SCFD2: variants seen among roughly 807,000 people sequenced by gnomAD.
SCFD2 encodes sec1 family domain containing 2, also known as sec1 family domain-containing protein 2.
SCFD2 carries 54 observed loss-of-function variants against 58.9 expected under a neutral mutation model. The observed-to-expected ratio is 0.92, with a 90% CI of 0.74 to 1.15. SCFD2 has a LOEUF of 1.15. Ranked by LOEUF, SCFD2 falls within the 50% of genes most tolerant of loss-of-function variation. The pLI is 0.00. For synonymous variants in SCFD2, 321 were observed against 335.9 expected, an observed-to-expected ratio of 0.96 and a Z score of 0.49; for missense variants, 805 against 836.6, an observed-to-expected ratio of 0.96 and a Z score of 0.47.
At chr4:53,313,559 G>T in intron 3 of SCFD2, 77 bp downstream of exon 3, 1 of 1,567,520 alleles carries the variant, frequency 6.4e-7, no homozygotes, top group Admixed American at 1.7e-5. Context: ...TTCCATGTTG[G>T]CTAGCTTGGC....
At chr4:53,325,094 TA>T (rs1733145706) in intron 2 of SCFD2, among the ~76,000 whole-genome samples, 1 of 152,082 alleles carries the variant, frequency 6.6e-6, no homozygotes. Flanking sequence ...TTTCTCACCA[TA>T]AAAACTCTAA....
At chr4:53,313,161 C>G (rs991783107) in intron 3 of SCFD2, among the ~76,000 whole-genome samples, 11 of 152,100 alleles carry the variant, frequency 7.2e-5, no homozygotes, top group African/African-American at 2.7e-4. Context: ...GCTGATGTGA[C>G]TTGACAATTA....
chr4:53,125,084 G>A (rs3910858), intron 5 of SCFD2, among the ~76,000 whole-genome samples: 147,189 of 152,248 alleles, frequency 0.97, 71,339 homozygotes, highest in Middle Eastern at 1. Flanking sequence ...TAGGATCCTC[G>A]CAAATCAATA....
chr4:53,245,382 A>G (rs988404379), intron 4 of SCFD2, among the ~76,000 whole-genome samples: 1 of 152,196 alleles, frequency 6.6e-6, no homozygotes, highest in Non-Finnish European at 1.5e-5. Flanking sequence ...AACTGAATCC[A>G]GAATTACATT....
At chr4:53,033,409 C>T (rs1371020714) in intron 5 of SCFD2, among the ~76,000 whole-genome samples, 4 of 152,098 alleles carry the variant, frequency 2.6e-5, no homozygotes, top group East Asian at 1.9e-4. Flanking sequence ...ATTAAAAGAA[C>T]TAGAGAAGCA....
Position 53,365,781 on chromosome 4 carries a change from CA to C in SCFD2, c.160del (p.Cys54ValfsTer24), listed in dbSNP as rs1734685624. The part of the protein sequence containing the change: ...RLLEAVGGPD[C>X]HLREFEPDAI... ...GTCGGGCTCGAACTCTCGCAGGTGACAGTCAGGACCCCCCACCGCCTCCAGG... is the reference window on the plus strand; with the variant it reads ...GTCGGGCTCGAACTCTCGCAGGTGACGTCAGGACCCCCCACCGCCTCCAGG... On this transcript the variant is annotated frameshift_variant, in exon 1 of 9. Transcript: ENST00000401642. LOFTEE classifies it high-confidence loss of function. This position sits in a 1 kb window ranked among gnomAD's most constrained non-coding sequence, Gnocchi z 4.3. The C allele has an allele frequency of 6.2e-7, 1 of 1,613,906 alleles. No homozygotes were observed. Among genetic ancestry groups the C allele is most frequent in the Non-Finnish European group, 8.5e-7 (1 of 1,179,922 alleles).
chr4:52,907,650 G>C, intron 6 of SCFD2, 59 bp from the exon 7 acceptor site: 1 of 1,545,540 alleles, frequency 6.5e-7, no homozygotes. Context: ...AGAGAGGACA[G>C]CTTTATCTGC....
chr4:53,322,324 C>G (rs143043941), intron 2 of SCFD2, among the ~76,000 whole-genome samples: 1 of 152,150 alleles, frequency 6.6e-6, no homozygotes, highest in Non-Finnish European at 1.5e-5. Flanking sequence ...AATTATAATG[C>G]ATTAGCATGC....
chr4:53,164,363 C>A (rs946529285), intron 4 of SCFD2, among the ~76,000 whole-genome samples: 1 of 152,152 alleles, frequency 6.6e-6, no homozygotes, highest in African/African-American at 2.4e-5. Flanking sequence ...CTCAGGACAA[C>A]CTTGACATGG....
chr4:52,913,199 ATCCCCAACCCCAGGCCAT>A (rs762274243), intron 6 of SCFD2, among the ~76,000 whole-genome samples: 5,800 of 152,138 alleles, frequency 0.038, 167 homozygotes, highest in Non-Finnish European at 0.06. Context: ...TACACCAGGG[ATCCCCAACCCCAGGCCAT>A]GGACCGCTAC....
chr4:53,189,023 C>T (rs535973303), intron 4 of SCFD2, among the ~76,000 whole-genome samples: 1 of 152,276 alleles, frequency 6.6e-6, no homozygotes, highest in South Asian at 2.1e-4. Context: ...ATTCATTCCC[C>T]TAGACAGAAT....
At chr4:52,977,241 A>G (rs1168511599) in intron 5 of SCFD2, among the ~76,000 whole-genome samples, 5 of 152,210 alleles carry the variant, frequency 3.3e-5, no homozygotes, top group Non-Finnish European at 5.9e-5. Context: ...TGTTTAATAT[A>G]GAATCATTAA....
intron 4 of SCFD2, among the ~76,000 whole-genome samples, chr4:53,187,133 A>G (rs1487703240): frequency 6.6e-6 from 1 of 152,098 alleles, no homozygotes; most frequent in African/African-American, 2.4e-5. Flanking sequence ...AAACTCCAGT[A>G]GAAAAGAAAG....
At chr4:53,206,249 A>G (rs1045322369) in intron 4 of SCFD2, among the ~76,000 whole-genome samples, 1 of 152,144 alleles carries the variant, frequency 6.6e-6, no homozygotes, top group Non-Finnish European at 1.5e-5. Flanking sequence ...CACAGACAGC[A>G]AAGTGTGTAG....
At chr4:53,334,013 C>A (rs1233977371) in intron 2 of SCFD2, among the ~76,000 whole-genome samples, 1 of 151,722 alleles carries the variant, frequency 6.6e-6, no homozygotes, top group Non-Finnish European at 1.5e-5. Flanking sequence ...CTCATTATCA[C>A]TGGCCATCAG....
At chr4:53,324,521 C>A (rs1191733380) in intron 2 of SCFD2, among the ~76,000 whole-genome samples, 3 of 151,580 alleles carry the variant, frequency 2.0e-5, no homozygotes, top group African/African-American at 7.3e-5. Context: ...AAACAGGAGG[C>A]ATGACATGCC....
Position 53,284,065 on chromosome 4 carries a change from G to C in SCFD2, c.1136-10064C>G, listed in dbSNP as rs541999921. Among the ~76,000 whole-genome samples the C allele has an allele frequency of 5.4e-5, 8 of 148,748 alleles. No individual in the cohort carries two copies. In the East Asian group the frequency reaches 1.6e-3, roughly 30 times the overall value. ...ACCCGGGAGGTGGAGCTTGCAGTGAGCCGAGATCGTGCCACTGTACTCCAG... is the reference window on the plus strand; with the variant it reads ...ACCCGGGAGGTGGAGCTTGCAGTGACCCGAGATCGTGCCACTGTACTCCAG... On this transcript the variant is annotated intron_variant, in intron 3 of 8. Transcript: ENST00000401642.
intron 1 of SCFD2, among the ~76,000 whole-genome samples, chr4:53,354,506 G>A (rs898488137): frequency 3.3e-5 from 5 of 152,218 alleles, no homozygotes; most frequent in Non-Finnish European, 7.3e-5. Context: ...GCCTCAACCA[G>A]CCCAGAGAGG....
At chr4:53,116,487 G>A (rs1049621275) in intron 5 of SCFD2, among the ~76,000 whole-genome samples, 2 of 152,162 alleles carry the variant, frequency 1.3e-5, no homozygotes, top group African/African-American at 4.8e-5. Context: ...AAATCACATT[G>A]CCAAACCTAA....
Sources: allele counts gnomAD v4.1 joint callset (sites outside exome capture counted in the v4.1 genomes callset), GRCh38; gene constraint gnomAD v4.1.1; non-coding constraint Gnocchi (gnomAD v3.1); transcripts MANE v1.5; gene names NCBI Gene and HGNC (gene_info 2026-07-23, HGNC 2026-07-21).